The following TASP1 variants were observed in gnomAD, a reference collection of about 807,000 sequenced individuals.
The protein encoded by TASP1 is taspase 1.
Under a neutral mutation model 56.6 loss-of-function variants are expected in TASP1, and 16 were observed. The ratio of observed to expected loss-of-function variants is 0.28; its 90% CI spans 0.19 to 0.43. The LOEUF (loss-of-function observed/expected upper bound fraction) is 0.43, where lower values mean the gene tolerates loss of function less well. Among genes scored for constraint, TASP1 ranks in the 20% least tolerant of loss-of-function variants. The pLI is 1.00. For synonymous variants in TASP1, 179 were observed against 184.2 expected, an observed-to-expected ratio of 0.97 and a Z score of 0.23; for missense variants, 393 against 511.6, an observed-to-expected ratio of 0.77 and a Z score of 2.24.
At chr20:13,454,293 T>C (rs990272324) in intron 11 of TASP1, among the ~76,000 whole-genome samples, 5 of 152,060 alleles carry the variant, frequency 3.3e-5, no homozygotes, top group Non-Finnish European at 7.4e-5. Flanking sequence ...GGGGTGGGGA[T>C]AGTTGTCAAG....
intron 8 of TASP1, among the ~76,000 whole-genome samples, chr20:13,537,134 A>G (rs1343937317): frequency 2.0e-5 from 3 of 152,174 alleles, no homozygotes; most frequent in Non-Finnish European, 4.4e-5. Flanking sequence ...CTAGCATTTC[A>G]ATCAGGATAT....
At chr20:13,407,057 T>G (rs1361421414) in intron 13 of TASP1, among the ~76,000 whole-genome samples, 1 of 152,198 alleles carries the variant, frequency 6.6e-6, no homozygotes, top group East Asian at 1.9e-4. Context: ...GGTAACAGAG[T>G]AAATTATATC....
intron 11 of TASP1, among the ~76,000 whole-genome samples, chr20:13,455,622 G>A (rs2043803353): frequency 6.6e-6 from 1 of 152,092 alleles, no homozygotes; most frequent in East Asian, 1.9e-4. Flanking sequence ...ATTCTAAGAA[G>A]AGACGAGACA....
intron 10 of TASP1, among the ~76,000 whole-genome samples, chr20:13,515,350 G>T (rs1224683616): frequency 1.3e-5 from 2 of 152,068 alleles, no homozygotes; most frequent in East Asian, 3.9e-4. Context: ...AAAGCAACTG[G>T]TAATTTGTAT....
At chr20:13,356,332 C>G in the TASP1 span, among the ~76,000 whole-genome samples, 7 of 152,182 alleles carry the variant, frequency 4.6e-5, no homozygotes, top group Non-Finnish European at 8.8e-5. Context: ...AAAGCACAGT[C>G]TCTTCATTCA....
At chr20:13,597,324 C>G (rs563080902) in intron 4 of TASP1, among the ~76,000 whole-genome samples, 1 of 152,180 alleles carries the variant, frequency 6.6e-6, no homozygotes, top group Non-Finnish European at 1.5e-5. Flanking sequence ...CATCAAAAAG[C>G]TTATCCATCA....
intron 1 of TASP1, among the ~76,000 whole-genome samples, chr20:13,635,012 G>A (rs982476059): frequency 5.0e-4 from 76 of 152,064 alleles, no homozygotes; most frequent in Non-Finnish European, 1.6e-4. Flanking sequence ...TGGGCAACAA[G>A]AGCAAAACTC....
At chr20:13,620,312 A>G (rs2048667427) in intron 4 of TASP1, among the ~76,000 whole-genome samples, 1 of 152,096 alleles carries the variant, frequency 6.6e-6, no homozygotes. Flanking sequence ...ACATATACAC[A>G]TATTTCTTTT....
chr20:13,125,038 C>T, the TASP1 span, among the ~76,000 whole-genome samples: 3 of 152,186 alleles, frequency 2.0e-5, no homozygotes, highest in South Asian at 2.1e-4. Flanking sequence ...AATGCAGAGG[C>T]CTGTCATCAG....
intron 13 of TASP1, among the ~76,000 whole-genome samples, chr20:13,398,610 T>G (rs562867080): frequency 6.6e-6 from 1 of 152,318 alleles, no homozygotes; most frequent in Admixed American, 6.5e-5. Context: ...TGCTGAAACT[T>G]TCCTTTTATT....
intron 9 of TASP1, among the ~76,000 whole-genome samples, chr20:13,532,812 A>G (rs1568553220): frequency 6.6e-6 from 1 of 152,158 alleles, no homozygotes; most frequent in Non-Finnish European, 1.5e-5. Context: ...CACCTTCTCT[A>G]CTAGCGTATC....
the TASP1 span, among the ~76,000 whole-genome samples, chr20:13,129,380 G>A: frequency 6.6e-6 from 1 of 152,180 alleles, no homozygotes; most frequent in African/African-American, 2.4e-5. Flanking sequence ...TCTGCTGTAT[G>A]AAAAACTGTT....
At chr20:13,377,949 T>C in the TASP1 span, among the ~76,000 whole-genome samples, 1 of 152,212 alleles carries the variant, frequency 6.6e-6, no homozygotes, top group African/African-American at 2.4e-5. Context: ...TTGTGTCTAT[T>C]TGATTCTTCT....
the TASP1 span, among the ~76,000 whole-genome samples, chr20:13,273,220 A>ATTTTAT: frequency 6.9e-6 from 1 of 145,200 alleles, no homozygotes. Context: ...GGTCTTTTTT[A>ATTTTAT]TTTTATTTTA....
At chr20:13,211,312 T>G in the TASP1 span, among the ~76,000 whole-genome samples, 10 of 152,208 alleles carry the variant, frequency 6.6e-5, no homozygotes, top group Admixed American at 4.6e-4. Flanking sequence ...ATTCTGAGAC[T>G]ATAACTTGTT....
the TASP1 span, among the ~76,000 whole-genome samples, chr20:13,259,808 T>C: frequency 1.7e-4 from 26 of 152,226 alleles, no homozygotes; most frequent in Non-Finnish European, 2.6e-4. Flanking sequence ...TCCTACAGAA[T>C]TAAATACTTT....
At chr20:13,162,520 T>C in the TASP1 span, among the ~76,000 whole-genome samples, 2 of 152,186 alleles carry the variant, frequency 1.3e-5, no homozygotes, top group African/African-American at 4.8e-5. Context: ...ATGACCCTGA[T>C]GAACAGCCAG....
the TASP1 span, among the ~76,000 whole-genome samples, chr20:13,160,558 T>C: frequency 6.6e-6 from 1 of 152,198 alleles, no homozygotes; most frequent in Non-Finnish European, 1.5e-5. Context: ...CAAATCTACA[T>C]TACAGCAGCA....
intron 10 of TASP1, 135 bp from the exon 11 acceptor site, chr20:13,483,472 T>C (rs370003631): frequency 3.9e-6 from 2 of 509,036 alleles, no homozygotes; most frequent in Non-Finnish European, 6.8e-6. Flanking sequence ...AGGGATGAAA[T>C]GACTTCCATG....
Sources: gnomAD v4.1 joint callset for allele counts (sites outside exome capture counted in the v4.1 genomes callset) on GRCh38, gnomAD v4.1.1 for gene constraint, MANE v1.5 for transcripts, NCBI Gene and HGNC (gene_info 2026-07-23, HGNC 2026-07-21) for gene names.